Variants in MACROD2 observed in about 807,000 individuals in gnomAD.
MACROD2 encodes mono-ADP ribosylhydrolase 2, also known as ADP-ribose glycohydrolase MACROD2.
Under a neutral mutation model 70.4 loss-of-function variants are expected in MACROD2, and 36 were observed. The observed-to-expected ratio is 0.51, with a 90% CI of 0.39 to 0.68. The LOEUF is 0.68. MACROD2 is among the 30% of genes least tolerant of loss of function. The probability of loss-of-function intolerance (pLI) is 0.00; values close to 1 mark genes in which losing one functional copy is unlikely to be tolerated. For missense variants in MACROD2, 496 were observed against 538.4 expected (o/e 0.92, Z 0.78); for synonymous variants, 172 against 178.8 (o/e 0.96, Z 0.30).
chr20:15,914,294 C>G (rs768039499), intron 10 of MACROD2, among the ~76,000 whole-genome samples: 4 of 152,140 alleles, frequency 2.6e-5, no homozygotes, highest in Middle Eastern at 3.2e-3. Context: ...TAACAAAGAT[C>G]TTTGGGAGGT....
intron 6 of MACROD2, among the ~76,000 whole-genome samples, chr20:15,365,349 A>G (rs113128139): frequency 1.3e-5 from 2 of 152,208 alleles, no homozygotes; most frequent in African/African-American, 4.8e-5. Context: ...CCAAACTTCA[A>G]AATCCTAAGC....
chr20:15,664,549 G>A (rs1353691227), intron 8 of MACROD2, among the ~76,000 whole-genome samples: 1 of 152,128 alleles, frequency 6.6e-6, no homozygotes. Flanking sequence ...GGGCTGGCTG[G>A]GGTTGGCTGA....
chr20:14,585,768 T>C (rs952605418), intron 4 of MACROD2, among the ~76,000 whole-genome samples: 1 of 152,138 alleles, frequency 6.6e-6, no homozygotes, highest in Non-Finnish European at 1.5e-5. Context: ...AACAAAGCTG[T>C]TTTTCAAATA....
chr20:14,505,387 A>G (rs568014049), intron 4 of MACROD2, among the ~76,000 whole-genome samples: 7 of 152,312 alleles, frequency 4.6e-5, no homozygotes, highest in Admixed American at 1.3e-4. Flanking sequence ...GCATATATCA[A>G]GGAATACCTG....
intron 5 of MACROD2, among the ~76,000 whole-genome samples, chr20:14,700,147 A>G (rs1425249770): frequency 6.6e-6 from 1 of 152,044 alleles, no homozygotes; most frequent in Non-Finnish European, 1.5e-5. Context: ...ACTTCTCCTT[A>G]TATTAAAGGA....
intron 5 of MACROD2, among the ~76,000 whole-genome samples, chr20:15,098,550 T>G (rs2075850281): frequency 6.6e-6 from 1 of 152,196 alleles, no homozygotes; most frequent in African/African-American, 2.4e-5. Context: ...ACTCACCTTC[T>G]TGCATAGTTA....
chr20:15,481,251 A>G (rs1015666482), intron 7 of MACROD2, among the ~76,000 whole-genome samples: 2 of 152,228 alleles, frequency 1.3e-5, no homozygotes, highest in Non-Finnish European at 2.9e-5. Flanking sequence ...ATGTCAGTAC[A>G]TACCTGCAGA....
At chr20:15,372,419 T>C (rs989895096) in intron 6 of MACROD2, among the ~76,000 whole-genome samples, 6 of 152,374 alleles carry the variant, frequency 3.9e-5, no homozygotes, top group Non-Finnish European at 7.3e-5. Flanking sequence ...TGAATGGGTA[T>C]AAAAGAGCAT....
intron 10 of MACROD2, among the ~76,000 whole-genome samples, chr20:15,912,192 A>T (rs1047477811): frequency 3.9e-5 from 6 of 152,180 alleles, no homozygotes; most frequent in African/African-American, 1.4e-4. Flanking sequence ...ACATTTAGAA[A>T]TTCTCTGGAT....
At position 14,651,685 on chromosome 20, in the gene MACROD2, T is replaced by C. The variant is rs116177055; in HGVS notation, c.302-33158T>C. Among the ~76,000 whole-genome samples the C allele has an allele frequency of 6.4e-3, 970 of 152,310 alleles. 6 individuals carry two copies. Among genetic ancestry groups the C allele is most frequent in the African/African-American group, 0.022 (895 of 41,558 alleles). On this transcript the variant is annotated intron_variant, in intron 4 of 17. Transcript: ENST00000684519. ...TTCAAGTGTGAGAAAGCCACTTTGT[T>C]ATAGGCCCAATTCCTGGAGGAGGAT... is the stretch of plus-strand genomic sequence containing the variant.
chr20:14,615,443 G>C (rs1206815686), intron 4 of MACROD2, among the ~76,000 whole-genome samples: 3 of 152,104 alleles, frequency 2.0e-5, no homozygotes, highest in African/African-American at 7.2e-5. Context: ...AGATGGGGAG[G>C]ATAAGAGTTA....
chr20:14,460,390 G>C (rs6135152), intron 3 of MACROD2, among the ~76,000 whole-genome samples: 43,562 of 151,814 alleles, frequency 0.29, 6,371 homozygotes, highest in Admixed American at 0.32. Flanking sequence ...AGCATCTGTT[G>C]TTTCCTGACT....
Position 14,947,543 on chromosome 20 carries a change from A to G in MACROD2, c.418+262584A>G, listed in dbSNP as rs558927523. Among the ~76,000 whole-genome samples the G allele has an allele frequency of 2.0e-5, 3 of 152,278 alleles. No individual in the cohort carries two copies. The East Asian group carries it at 5.8e-4, about 29-fold the overall frequency. On this transcript the variant is annotated intron_variant, in intron 5 of 17. Coordinates refer to ENST00000684519, the MANE Select transcript of MACROD2 (RefSeq NM_001351661.2). ...ACACATGGTAACTAATAGTAATAAT[A>G]TTGGTGCTAAGGCATTTGTGCTAAG... is the stretch of plus-strand genomic sequence containing the variant.
chr20:14,619,395 G>GAAAGGA (rs1983672563), intron 4 of MACROD2, among the ~76,000 whole-genome samples: 2 of 19,458 alleles, frequency 1.0e-4, no homozygotes, highest in Non-Finnish European at 2.0e-4. Context: ...AAGGAAGGAG[G>GAAAGGA]GGGGAGGAAG....
At chr20:16,048,568 T>G (rs2067415672) in intron 17 of MACROD2, among the ~76,000 whole-genome samples, 1 of 152,142 alleles carries the variant, frequency 6.6e-6, no homozygotes, top group Non-Finnish European at 1.5e-5. Context: ...TAATTTGGAC[T>G]GAGATTACTG....
chr20:14,294,955 C>A (rs552879159), intron 3 of MACROD2, among the ~76,000 whole-genome samples: 1 of 151,768 alleles, frequency 6.6e-6, no homozygotes, highest in East Asian at 1.9e-4. Flanking sequence ...AGAAACACTA[C>A]TTCTGTGTCA....
chr20:14,320,663 A>ATTTTTTTT (rs11087086), intron 3 of MACROD2, among the ~76,000 whole-genome samples: 1 of 123,664 alleles, frequency 8.1e-6, no homozygotes, highest in Non-Finnish European at 1.6e-5. Context: ...CACCTTTGGA[A>ATTTTTTTT]TTTTTTTTTT....
At chr20:15,135,084 C>G (rs1007723929) in intron 5 of MACROD2, among the ~76,000 whole-genome samples, 12 of 151,964 alleles carry the variant, frequency 7.9e-5, no homozygotes, top group African/African-American at 2.7e-4. Flanking sequence ...AACTTACCAA[C>G]CAAAAAGAGT....
intron 5 of MACROD2, among the ~76,000 whole-genome samples, chr20:14,769,856 T>A (rs927747547): frequency 6.6e-6 from 1 of 152,036 alleles, no homozygotes; most frequent in Non-Finnish European, 1.5e-5. Flanking sequence ...AAGTATTAGC[T>A]ACAAGAAGCA....
Sources: allele counts gnomAD v4.1 joint callset (sites outside exome capture counted in the v4.1 genomes callset), GRCh38; gene constraint gnomAD v4.1.1; transcripts MANE v1.5; gene names NCBI Gene and HGNC (gene_info 2026-07-23, HGNC 2026-07-21).